The following USP20 variants were observed in gnomAD, a reference collection of about 807,000 sequenced individuals.
USP20 encodes ubiquitin specific peptidase 20.
In USP20, 80 loss-of-function variants were observed where a neutral mutation model predicts 124.2. That is an observed-to-expected ratio of 0.64 (90% CI 0.54 to 0.78). The LOEUF (loss-of-function observed/expected upper bound fraction) is 0.78. Ranked by LOEUF, USP20 falls within the 30% of genes least tolerant of loss-of-function variation. The probability of loss-of-function intolerance (pLI) is 0.00; values close to 1 mark genes in which losing one functional copy is unlikely to be tolerated. For synonymous variants in USP20, 481 were observed against 512.3 expected, an observed-to-expected ratio of 0.94 and a Z score of 0.83; for missense variants, 1,043 against 1,244.4, an observed-to-expected ratio of 0.84 and a Z score of 2.44.
intron 22 of USP20, among the ~76,000 whole-genome samples, chr9:129,877,284 C>T (rs781195261): frequency 6.6e-6 from 1 of 152,102 alleles, no homozygotes; most frequent in Non-Finnish European, 1.5e-5. Flanking sequence ...TTTGGGAGGC[C>T]GAGGCAGGTG....
intron 2 of USP20, among the ~76,000 whole-genome samples, chr9:129,850,756 A>T (rs2032871582): frequency 6.6e-6 from 1 of 152,028 alleles, no homozygotes; most frequent in South Asian, 2.1e-4. Context: ...CCTGGGTTCA[A>T]GCGATTCTCC....
At chr9:129,861,085 T>C in intron 7 of USP20, 52 bp downstream of exon 7, 1 of 1,551,590 alleles carries the variant, frequency 6.4e-7, no homozygotes, top group Non-Finnish European at 8.9e-7. Context: ...GGGGCCCTCA[T>C]CTGGAGGCTG....
In USP20 at chr9:129,863,237, T is replaced by G. The variant is rs1452652458; in HGVS notation, c.549T>G (p.Asp183Glu). ...AGTGTGGCGGCCTGGTGCGCACAGA[T>G]AAGAAGCCAGCCCTGTGCAAGAGCT... Reference protein sequence around the residue: ...FLECGGLVRTDKKPALCKSYQ... With the variant: ...FLECGGLVRTEKKPALCKSYQ... Residue 183 changes from aspartate to glutamate, a missense_variant, in exon 9 of 26, where the codon GAT becomes GAG. Asp to Glu is a conservative substitution (Grantham distance 45). Coordinates refer to ENST00000372429, the MANE Select transcript of USP20 (RefSeq NM_001110303.4). 9.0e-6 allele frequency: 14 copies of G among 1,550,946 alleles called. No individual in the cohort carries two copies. Among genetic ancestry groups the G allele is most frequent in the African/African-American group, 1.4e-5 (1 of 73,096 alleles).
chr9:129,846,228 C>CATATATATATATATATATATATATAT (rs1159489842), intron 1 of USP20, among the ~76,000 whole-genome samples: 1 of 59,416 alleles, frequency 1.7e-5, no homozygotes, highest in African/African-American at 7.7e-5. Context: ...TGCGCCCAGC[C>CATATATATATATATATATATATATAT]ATATATATAT....
chr9:129,880,268 G>A lies in USP20; in HGVS notation c.2740G>A (p.Val914Met), dbSNP rs374645414. The part of the protein sequence containing the change: ...EQKIEAETRA[V>M] The stretch of plus-strand genomic sequence containing the variant: ...GAAGATCGAAGCCGAGACGCGGGCC[G>A]TGTGATCTGCTGGGCTAGTCTGTAA... Residue 914 changes from valine (V) to methionine (M), a missense_variant, in exon 25 of 26, where the codon GTG (valine) becomes ATG (methionine). Coordinates refer to ENST00000372429, the MANE Select transcript of USP20 (RefSeq NM_001110303.4). The A allele has an allele frequency of 7.2e-5, 115 of 1,594,616 alleles. 1 individual carries two copies. Among genetic ancestry groups the A allele is most frequent in the South Asian group, 2.7e-4 (24 of 89,162 alleles).
chr9:129,866,414 A>G (rs2033822814), intron 10 of USP20, among the ~76,000 whole-genome samples: 1 of 152,188 alleles, frequency 6.6e-6, no homozygotes, highest in South Asian at 2.1e-4. Context: ...CAAAGTGGGC[A>G]CTGTTGTCAC....
intron 3 of USP20, among the ~76,000 whole-genome samples, chr9:129,854,268 G>A (rs10733701): frequency 0.86 from 131,403 of 152,184 alleles, 57,096 homozygotes; most frequent in East Asian, 0.98. Context: ...CAGTAGAAAT[G>A]TAATCACCAG....
chr9:129,873,230 C>T lies in USP20; in HGVS notation c.1661-252C>T, dbSNP rs182205311. On this transcript the variant is annotated intron_variant, in intron 15 of 25. Coordinates refer to ENST00000372429, the MANE Select transcript of USP20 (RefSeq NM_001110303.4). Reference sequence around the variant, plus strand: ...TCCTGAGTAGCTGGGATTACAGGCACGCACCACCACGTCCAGCTAATTTTT... The same window carrying T: ...TCCTGAGTAGCTGGGATTACAGGCATGCACCACCACGTCCAGCTAATTTTT... 1.3e-4 allele frequency among the ~76,000 whole-genome samples: 19 copies of T among 151,874 alleles called. No homozygotes were observed. In the East Asian group the frequency reaches 3.5e-3, roughly 28 times the overall value.
At chr9:129,853,937 G>C (rs2033078324) in intron 3 of USP20, among the ~76,000 whole-genome samples, 1 of 152,122 alleles carries the variant, frequency 6.6e-6, no homozygotes, top group Non-Finnish European at 1.5e-5. Flanking sequence ...CACAACTTCA[G>C]CTCCTCTTTG....
In USP20 at chr9:129,867,873, A is replaced by G. The variant is rs1243877861; in HGVS notation, c.691-132A>G. 6.3e-6 allele frequency: 7 copies of G among 1,111,472 alleles called. No homozygotes were observed. The African/African-American group carries it at 9.5e-5, about 15-fold the overall frequency. 68.9% of individuals were successfully genotyped at this position (1,111,472 alleles called of 1,614,324 possible). A position where few individuals can be genotyped will look rare whatever the true frequency, so the allele number is the denominator to read the frequency against. On this transcript the variant is annotated intron_variant, in intron 10 of 25. Coordinates refer to ENST00000372429, the MANE Select transcript of USP20 (RefSeq NM_001110303.4). ...GCCATGGGAGGCCGCTGTGGGGGTG[A>G]GCAACTCTTCTGCAGGGGGCGCCCA...
intron 8 of USP20, among the ~76,000 whole-genome samples, chr9:129,862,443 C>G (rs1400867054): frequency 6.6e-6 from 1 of 151,344 alleles, no homozygotes; most frequent in Non-Finnish European, 1.5e-5. Context: ...GTCCCAGCTA[C>G]TGGGGAGGCT....
In USP20 at chr9:129,869,382, A is replaced by G; in HGVS notation, c.1349A>G (p.Asp450Gly). 6.2e-7 allele frequency: 1 copy of G among 1,613,672 alleles called. No homozygotes were observed. The highest frequency in any genetic ancestry group is 8.5e-7 in the Non-Finnish European group (1 of 1,179,982). The change falls in exon 13 of 26, where the codon GAC becomes GGC. Residue 450 changes from aspartate (D) to glycine (G), a missense_variant. By Grantham distance (94) the Asp-to-Gly change is moderately conservative. Coordinates refer to ENST00000372429, the MANE Select transcript of USP20 (RefSeq NM_001110303.4). ...RYRSVISDIF[D>G]GSILSLVQCL... ...CGCAGCGTCATCTCAGACATCTTTGACGGCTCCATTCTCAGCCTTGTGCAG... is the reference window on the plus strand; with the variant it reads ...CGCAGCGTCATCTCAGACATCTTTGGCGGCTCCATTCTCAGCCTTGTGCAG...
intron 10 of USP20, among the ~76,000 whole-genome samples, 159 bp downstream of exon 10, chr9:129,865,540 G>GAC (rs1038352315): frequency 4.5e-4 from 69 of 152,354 alleles, no homozygotes; most frequent in Middle Eastern, 3.4e-3. Flanking sequence ...CACGTGTGAG[G>GAC]ACAGTGGAGC....
At chr9:129,865,465 C>G in intron 10 of USP20, 84 bp downstream of exon 10, 1 of 1,443,014 alleles carries the variant, frequency 6.9e-7, no homozygotes, top group Non-Finnish European at 9.7e-7. Context: ...AGTGGAAAAT[C>G]GCAATGGCAG....
intron 1 of USP20, among the ~76,000 whole-genome samples, chr9:129,840,223 A>G (rs538089732): frequency 5.3e-4 from 81 of 152,360 alleles, no homozygotes; most frequent in Non-Finnish European, 1.0e-3. Context: ...CCTGCTGTGC[A>G]CACTCCATAT....
chr9:129,879,548 C>G lies in USP20; in HGVS notation c.2513-25C>G, dbSNP rs749321132. On this transcript the variant is annotated intron_variant, in intron 23 of 25. Coordinates refer to ENST00000372429, the MANE Select transcript of USP20 (RefSeq NM_001110303.4). The surrounding 1 kb of genome is among the most constrained non-coding windows in gnomAD (Gnocchi z 4.2). ...GGTGGAGGGCATGGCAGGGGCTGAA[C>G]CCGAGCCCGCTGTGTCTGTTGCAGA... is the stretch of plus-strand genomic sequence containing the variant. 4.3e-6 allele frequency: 7 copies of G among 1,612,002 alleles called. No homozygotes were observed. Among genetic ancestry groups the G allele is most frequent in the Non-Finnish European group, 5.1e-6 (6 of 1,179,082 alleles).
chr9:129,879,574 G>GC lies in USP20; in HGVS notation c.2520dup (p.Gly841ArgfsTer4), dbSNP rs777435251. ...CCGAGCCCGCTGTGTCTGTTGCAGA[G>GC]CCCCCCGGGCCCATTGACAACAGCA... On this transcript the variant is annotated frameshift_variant and splice_region_variant, in exon 24 of 26. Transcript: ENST00000372429. LOFTEE classifies it high-confidence loss of function. This position sits in a 1 kb window ranked among gnomAD's most constrained non-coding sequence, Gnocchi z 4.2. The GC allele has an allele frequency of 4.3e-6, 7 of 1,613,390 alleles. No individual in the cohort carries two copies. Among genetic ancestry groups the GC allele is most frequent in the Non-Finnish European group, 2.5e-6 (3 of 1,179,870 alleles).
chr9:129,860,996 A>G lies in USP20; in HGVS notation c.390A>G (p.Gly130=). Residue 130 remains glycine, a synonymous_variant, in exon 7 of 26, where the codon GGA becomes GGG. Coordinates refer to ENST00000372429, the MANE Select transcript of USP20 (RefSeq NM_001110303.4). ...KAVPIAVADE[G]ESESEDDDLK... is the part of the protein sequence containing the mutation. ...TTCCTATTGCTGTGGCTGATGAAGG[A>G]GAGTCTGAGTCAGAGGACGATGACC... 6.2e-7 allele frequency: 1 copy of G among 1,609,596 alleles called. No homozygotes were observed. The highest frequency in any genetic ancestry group is 8.5e-7 in the Non-Finnish European group (1 of 1,177,082).
chr9:129,876,808 C>T (rs568442337), intron 22 of USP20, among the ~76,000 whole-genome samples: 32 of 152,206 alleles, frequency 2.1e-4, no homozygotes, highest in African/African-American at 7.7e-4. Flanking sequence ...CATTCTCAGC[C>T]TTGGCTGTGT....
Sources: allele counts gnomAD v4.1 joint callset (sites outside exome capture counted in the v4.1 genomes callset), GRCh38; gene constraint gnomAD v4.1.1; non-coding constraint Gnocchi (gnomAD v3.1); transcripts MANE v1.5; gene names NCBI Gene and HGNC (gene_info 2026-07-23, HGNC 2026-07-21).